The following GALNT13 variants were observed in gnomAD, a reference collection of about 807,000 sequenced individuals.
The protein encoded by GALNT13 is polypeptide N-acetylgalactosaminyltransferase 13, also known as UDP-GalNAc:polypeptide N-acetylgalactosaminyltransferase 13.
Under a neutral mutation model 64.2 loss-of-function variants are expected in GALNT13, and 28 were observed. That is an observed-to-expected ratio of 0.44 (90% CI 0.32 to 0.60). The LOEUF (loss-of-function observed/expected upper bound fraction) is 0.60. Among genes scored for constraint, GALNT13 ranks in the 20% least tolerant of loss-of-function variants. GALNT13 has a pLI of 0.05. For missense variants in GALNT13, 577 were observed against 669.8 expected (o/e 0.86, Z 1.53); for synonymous variants, 214 against 224.6 (o/e 0.95, Z 0.42).
At chr2:154,442,170 G>A (rs4140692) in intron 12 of GALNT13, among the ~76,000 whole-genome samples, 9,514 of 152,050 alleles carry the variant, frequency 0.063, 444 homozygotes, top group East Asian at 0.24. Context: ...TTAATAGGGG[G>A]AAAGGTGTTC....
intron 11 of GALNT13, among the ~76,000 whole-genome samples, chr2:154,429,552 G>T (rs976449789): frequency 6.6e-6 from 1 of 152,174 alleles, no homozygotes; most frequent in Non-Finnish European, 1.5e-5. Flanking sequence ...AGGAAAGAAA[G>T]ATAACATAAA....
intron 4 of GALNT13, among the ~76,000 whole-genome samples, chr2:154,201,640 T>G (rs1687177763): frequency 6.6e-6 from 1 of 152,172 alleles, no homozygotes; most frequent in Admixed American, 6.6e-5. Flanking sequence ...TTAGATCACA[T>G]TTTTTAAAAA....
the GALNT13 span, among the ~76,000 whole-genome samples, chr2:153,533,723 CTTTTTTTTT>C: frequency 4.1e-4 from 20 of 48,726 alleles, no homozygotes; most frequent in African/African-American, 1.1e-3. Flanking sequence ...TGAGGTTTTT[CTTTTTTTTT>C]TTTTTTTTTT....
At chr2:153,694,476 A>G in the GALNT13 span, among the ~76,000 whole-genome samples, 1 of 152,344 alleles carries the variant, frequency 6.6e-6, no homozygotes, top group South Asian at 2.1e-4. Flanking sequence ...GATAAATCTC[A>G]CAGATATAAT....
intron 3 of GALNT13, among the ~76,000 whole-genome samples, chr2:154,006,059 G>GT (rs1696227981): frequency 6.6e-6 from 1 of 152,132 alleles, no homozygotes; most frequent in South Asian, 2.1e-4. Context: ...CCACATATTT[G>GT]GATGTTAATG....
At chr2:153,282,002 G>A in the GALNT13 span, among the ~76,000 whole-genome samples, 1 of 151,780 alleles carries the variant, frequency 6.6e-6, no homozygotes, top group Non-Finnish European at 1.5e-5. Flanking sequence ...TGTTTTCTAA[G>A]CCATTTACTT....
chr2:153,432,709 T>C, the GALNT13 span, among the ~76,000 whole-genome samples: 1 of 151,700 alleles, frequency 6.6e-6, no homozygotes, highest in Non-Finnish European at 1.5e-5. Context: ...GCAGAGTTTT[T>C]GGCTGGGGGG....
At position 153,899,938 on chromosome 2, in the gene GALNT13, T is replaced by A. The variant is rs1489227060; in HGVS notation, c.-176-998T>A. On this transcript the variant is annotated intron_variant, in intron 1 of 12. Transcript: ENST00000392825. ...ATACATATATATATATATATATATT[T>A]TTTTTTTTTTTTTTTGAGATGGAGT... 5.2e-3 allele frequency among the ~76,000 whole-genome samples: 513 copies of A among 98,854 alleles called. 1 individual carries two copies. Among genetic ancestry groups the A allele is most frequent in the Middle Eastern group, 0.015 (3 of 196 alleles). 64.9% of individuals were successfully genotyped at this position (98,854 alleles called of 152,430 possible).
intron 7 of GALNT13, among the ~76,000 whole-genome samples, chr2:154,254,792 T>C (rs963974871): frequency 6.6e-6 from 1 of 152,164 alleles, no homozygotes; most frequent in East Asian, 1.9e-4. Flanking sequence ...GCACAACTTA[T>C]GCAGAGGAAA....
chr2:153,736,601 G>A, the GALNT13 span, among the ~76,000 whole-genome samples: 27 of 152,038 alleles, frequency 1.8e-4, 1 homozygote, highest in East Asian at 2.3e-3. Context: ...CCACATTTTC[G>A]TACGTATTTC....
intron 9 of GALNT13, among the ~76,000 whole-genome samples, chr2:154,337,206 T>C (rs921441343): frequency 1.2e-4 from 18 of 152,188 alleles, no homozygotes; most frequent in African/African-American, 4.3e-4. Flanking sequence ...CTCATGTTAG[T>C]TCAATATGAA....
At chr2:153,629,301 T>A in the GALNT13 span, among the ~76,000 whole-genome samples, 1 of 151,638 alleles carries the variant, frequency 6.6e-6, no homozygotes, top group Non-Finnish European at 1.5e-5. Context: ...AAAACAGAGA[T>A]ATAGATCAAT....
the GALNT13 span, among the ~76,000 whole-genome samples, chr2:153,686,426 T>C: frequency 6.6e-6 from 1 of 151,980 alleles, no homozygotes; most frequent in Non-Finnish European, 1.5e-5. Flanking sequence ...TGCTAGTTCA[T>C]TCCCGATTTG....
intron 3 of GALNT13, among the ~76,000 whole-genome samples, chr2:154,139,372 A>G (rs1383435330): frequency 6.6e-6 from 1 of 151,942 alleles, no homozygotes; most frequent in Non-Finnish European, 1.5e-5. Context: ...ATTTCAAGGT[A>G]TGCTGTGCCT....
chr2:154,413,721 A>G (rs1271833791), intron 11 of GALNT13, among the ~76,000 whole-genome samples: 1 of 152,016 alleles, frequency 6.6e-6, no homozygotes, highest in Non-Finnish European at 1.5e-5. Context: ...TCCACTAAAA[A>G]ACTTAAGACA....
chr2:153,173,517 G>C, the GALNT13 span, among the ~76,000 whole-genome samples: 1 of 152,046 alleles, frequency 6.6e-6, no homozygotes, highest in Non-Finnish European at 1.5e-5. Context: ...TCTTTCCTCT[G>C]TGTGTATCTG....
the GALNT13 span, among the ~76,000 whole-genome samples, chr2:153,546,312 A>T: frequency 6.6e-6 from 1 of 152,106 alleles, no homozygotes; most frequent in Admixed American, 6.5e-5. Flanking sequence ...AGAAGAGAGG[A>T]AAAAACTTTG....
rs575195901 is a variant in GALNT13 at position 154,224,205 on chromosome 2, A to G, written c.312-17825A>G. 2.0e-5 allele frequency among the ~76,000 whole-genome samples: 3 copies of G among 152,236 alleles called. No homozygotes were observed. In the South Asian group the frequency reaches 6.2e-4, roughly 32 times the overall value. On this transcript the variant is annotated intron_variant, in intron 4 of 12. Coordinates refer to ENST00000392825, the MANE Select transcript of GALNT13 (RefSeq NM_052917.4). The stretch of plus-strand genomic sequence containing the variant: ...AGGACAGAAAATTTCTTGTGAAGAA[A>G]TGTAGCTATGATAAATCTTCACATT...
downstream of GALNT13, among the ~76,000 whole-genome samples, chr2:154,456,335 T>C (rs999620808): frequency 2.6e-5 from 4 of 152,150 alleles, no homozygotes; most frequent in Non-Finnish European, 4.4e-5. Context: ...TTTTAAATAC[T>C]GTAAGCATTA....
Sources: allele counts gnomAD v4.1 joint callset (sites outside exome capture counted in the v4.1 genomes callset), GRCh38; gene constraint gnomAD v4.1.1; transcripts MANE v1.5; gene names NCBI Gene and HGNC (gene_info 2026-07-23, HGNC 2026-07-21).